MEIS1: variants seen among roughly 807,000 people sequenced by gnomAD.
MEIS1 encodes the protein homeobox protein Meis1.
MEIS1 carries 5 observed loss-of-function variants against 50.8 expected under a neutral mutation model. That is an observed-to-expected ratio of 0.10 (90% CI 0.05 to 0.21). MEIS1 has a LOEUF of 0.21. Among genes scored for constraint, MEIS1 ranks in the 10% least tolerant of loss-of-function variants. The pLI, the probability that MEIS1 is intolerant of heterozygous loss-of-function variation, is 1.00. For synonymous variants in MEIS1, 176 were observed against 179.3 expected (o/e 0.98, Z 0.15); for missense variants, 318 against 517.3 (o/e 0.61, Z 3.74).
intron 12 of MEIS1, chr2:66,570,962 C>T (rs1009477340): frequency 5.7e-6 from 2 of 351,472 alleles, no homozygotes; most frequent in African/African-American, 2.2e-5. Flanking sequence ...AGTGCTTCTT[C>T]AGACCAGACC....
rs186238593 is a variant in MEIS1 at position 66,547,575 on chromosome 2, C to T, written c.889-368C>T. On this transcript the variant is annotated intron_variant, in intron 8 of 12. Transcript: ENST00000272369. ...GGGTCAGCTTTAGAAATTTATGGTT[C>T]AATGAATATATTAAGTTAGGGCAGT... is the stretch of plus-strand genomic sequence containing the variant. 6.6e-4 allele frequency among the ~76,000 whole-genome samples: 100 copies of T among 152,126 alleles called. 1 individual carries two copies. Among genetic ancestry groups the T allele is most frequent in the African/African-American group, 2.4e-3 (99 of 41,492 alleles).
At chr2:66,553,019 C>G (rs1254092715) in intron 9 of MEIS1, among the ~76,000 whole-genome samples, 1 of 151,892 alleles carries the variant, frequency 6.6e-6, no homozygotes, top group Non-Finnish European at 1.5e-5. Flanking sequence ...AGGTATGACA[C>G]AAAAGCAAGG....
chr2:66,569,369 C>T, intron 12 of MEIS1: 2 of 328,562 alleles, frequency 6.1e-6, no homozygotes, highest in Non-Finnish European at 1.1e-5. Flanking sequence ...TTGTACAGTA[C>T]TGACCACATG....
At chr2:66,492,601 T>C (rs1473586077) in intron 7 of MEIS1, among the ~76,000 whole-genome samples, 1 of 152,198 alleles carries the variant, frequency 6.6e-6, no homozygotes, top group Non-Finnish European at 1.5e-5. Flanking sequence ...GCTTGTTTCT[T>C]TGTGCAAGTC....
chr2:66,440,068 A>AACACACACACATACAC (rs1553370179), intron 3 of MEIS1, 84 bp downstream of exon 3: 1 of 721,088 alleles, frequency 1.4e-6, no homozygotes, highest in Non-Finnish European at 2.1e-6. Context: ...CGCGCGCGCG[A>AACACACACACATACAC]ACACACACAC....
chr2:66,527,445 G>A (rs1475990826), intron 8 of MEIS1, among the ~76,000 whole-genome samples: 1 of 152,142 alleles, frequency 6.6e-6, no homozygotes, highest in East Asian at 1.9e-4. Context: ...AGTCCACATA[G>A]CCTCATCAGA....
At chr2:66,562,213 C>T (rs1302601962) in intron 9 of MEIS1, 3 of 151,578 alleles carry the variant, frequency 2.0e-5, no homozygotes, top group Non-Finnish European at 4.4e-5. Flanking sequence ...TCTCCTGGTT[C>T]TCACAGAGGG....
chr2:66,497,830 G>C (rs927434570), intron 7 of MEIS1, among the ~76,000 whole-genome samples: 4 of 152,200 alleles, frequency 2.6e-5, no homozygotes, highest in Non-Finnish European at 5.9e-5. Context: ...TGTGGGAAAT[G>C]AAAACTTGTA....
At chr2:66,507,958 C>T (rs567721569) in intron 7 of MEIS1, among the ~76,000 whole-genome samples, 8 of 152,344 alleles carry the variant, frequency 5.3e-5, no homozygotes, top group Middle Eastern at 3.4e-3. Context: ...TGTCCGTAGA[C>T]GAATTGTAGT....
At chr2:66,543,413 A>G (rs1244284541) in intron 8 of MEIS1, among the ~76,000 whole-genome samples, 4 of 152,204 alleles carry the variant, frequency 2.6e-5, no homozygotes, top group African/African-American at 7.2e-5. Flanking sequence ...CGATTGAAAT[A>G]AGGATGATCA....
intron 9 of MEIS1, among the ~76,000 whole-genome samples, chr2:66,565,219 C>T (rs1381213206): frequency 6.6e-6 from 1 of 152,092 alleles, no homozygotes; most frequent in Non-Finnish European, 1.5e-5. Context: ...TTATGGGAGT[C>T]TCAATATGTG....
At chr2:66,506,053 C>T (rs1258175096) in intron 7 of MEIS1, among the ~76,000 whole-genome samples, 4 of 152,266 alleles carry the variant, frequency 2.6e-5, no homozygotes, top group African/African-American at 7.2e-5. Flanking sequence ...ATTTTATAAG[C>T]GATGAACAAG....
rs1674272015 is a variant in MEIS1, at chr2:66,527,131, AG to A, written c.888+14838del. Among the ~76,000 whole-genome samples the A allele has an allele frequency of 4.6e-5, 7 of 152,358 alleles. No individual in the cohort carries two copies. In the South Asian group the frequency reaches 1.4e-3, roughly 32 times the overall value. ...ATTTCTAAAAGTCAGACAGCAAGCA[AG>A]TATCCTATTTTATTTTAAAAGATTA... On this transcript the variant is annotated intron_variant, in intron 8 of 12. Transcript: ENST00000272369.
intron 7 of MEIS1, among the ~76,000 whole-genome samples, chr2:66,468,178 G>C (rs1408101841): frequency 6.6e-6 from 1 of 152,166 alleles, no homozygotes. Flanking sequence ...TGGCAGAGAC[G>C]TGTGGCTTTC....
chr2:66,484,840 A>G (rs939129387), intron 7 of MEIS1, among the ~76,000 whole-genome samples: 2 of 152,124 alleles, frequency 1.3e-5, no homozygotes, highest in Admixed American at 1.3e-4. Context: ...GATTACAGGC[A>G]TGAGCCACTG....
chr2:66,439,487 G>C, intron 2 of MEIS1: 1 of 1,416,352 alleles, frequency 7.1e-7, no homozygotes. Flanking sequence ...CCGGATCCTG[G>C]ATGTGCAGTG....
At chr2:66,567,605 GGAGT>G (rs774497115) in intron 10 of MEIS1, 94 bp downstream of exon 10, 1 of 1,155,782 alleles carries the variant, frequency 8.7e-7, no homozygotes, top group Non-Finnish European at 1.3e-6. Context: ...AAATAAACTG[GGAGT>G]GAGTATAGGA....
chr2:66,553,663 T>C (rs1196840171), intron 9 of MEIS1, among the ~76,000 whole-genome samples: 1 of 152,208 alleles, frequency 6.6e-6, no homozygotes, highest in African/African-American at 2.4e-5. Context: ...CAGAGAGTCT[T>C]AAGAGTTCAA....
intron 7 of MEIS1, among the ~76,000 whole-genome samples, chr2:66,484,738 T>A (rs547978665): frequency 6.6e-6 from 1 of 152,066 alleles, no homozygotes; most frequent in Non-Finnish European, 1.5e-5. Context: ...TTTTTTATTT[T>A]TGGTAGAGAC....
Sources: allele counts gnomAD v4.1 joint callset (sites outside exome capture counted in the v4.1 genomes callset), GRCh38; gene constraint gnomAD v4.1.1; transcripts MANE v1.5; gene names NCBI Gene and HGNC (gene_info 2026-07-23, HGNC 2026-07-21).